Variants in AOPEP observed in about 807,000 individuals in gnomAD.
AOPEP encodes aminopeptidase O.
AOPEP carries 77 observed loss-of-function variants against 98.1 expected under a neutral mutation model. The observed-to-expected ratio is 0.78, with a 90% CI of 0.65 to 0.95. The LOEUF (loss-of-function observed/expected upper bound fraction) is 0.95. Ranked by LOEUF, AOPEP falls within the 40% of genes least tolerant of loss-of-function variation. AOPEP has a pLI of 0.00. For synonymous variants in AOPEP, 346 were observed against 365.3 expected, an observed-to-expected ratio of 0.95 and a Z score of 0.60; for missense variants, 1,024 against 1,024.7, an observed-to-expected ratio of 1.00 and a Z score of 0.01.
chr9:95,054,076 AAGTT>A (rs2133833861), intron 13 of AOPEP, among the ~76,000 whole-genome samples: 1 of 152,320 alleles, frequency 6.6e-6, no homozygotes, highest in South Asian at 2.1e-4. Flanking sequence ...AATACAAGAA[AAGTT>A]AGGAATATTC....
At chr9:94,853,741 G>A (rs138326830) in intron 5 of AOPEP, among the ~76,000 whole-genome samples, 27 of 152,248 alleles carry the variant, frequency 1.8e-4, no homozygotes, top group Admixed American at 4.6e-4. Context: ...GGTACAAGTC[G>A]CACTACTATT....
At chr9:94,919,680 C>A (rs1468900672) in intron 5 of AOPEP, among the ~76,000 whole-genome samples, 9 of 152,048 alleles carry the variant, frequency 5.9e-5, no homozygotes, top group Non-Finnish European at 1.3e-4. Context: ...AGGGGTGGAG[C>A]GACAGTTTGT....
chr9:94,808,551 T>G (rs1387522946), intron 5 of AOPEP, among the ~76,000 whole-genome samples: 1 of 152,226 alleles, frequency 6.6e-6, no homozygotes, highest in African/African-American at 2.4e-5. Flanking sequence ...AACCATGCTA[T>G]TTATAGAGGT....
At chr9:95,138,035 G>A in the AOPEP span, among the ~76,000 whole-genome samples, 5 of 152,262 alleles carry the variant, frequency 3.3e-5, no homozygotes, top group African/African-American at 4.8e-5. Context: ...CGGGCAAGGC[G>A]CAGAGGAGTG....
chr9:94,942,935 C>T (rs1014172683), intron 7 of AOPEP, among the ~76,000 whole-genome samples: 2 of 140,264 alleles, frequency 1.4e-5, no homozygotes, highest in African/African-American at 2.6e-5. Context: ...AAATCATTTA[C>T]AGTAGCATCA....
At chr9:94,955,324 CT>C in intron 8 of AOPEP, 45 bp downstream of exon 8, 1 of 1,177,650 alleles carries the variant, frequency 8.5e-7, no homozygotes, top group Non-Finnish European at 1.3e-6. Context: ...TGGTGCAGCA[CT>C]TTTTAGGCCA....
chr9:94,868,741 T>C (rs1309488245), intron 5 of AOPEP, among the ~76,000 whole-genome samples: 1 of 152,204 alleles, frequency 6.6e-6, no homozygotes, highest in Non-Finnish European at 1.5e-5. Flanking sequence ...CTCCCTATGT[T>C]ACCTTCCCTG....
chr9:95,101,470 T>C, the AOPEP span: 1 of 574,800 alleles, frequency 1.7e-6, no homozygotes, highest in African/African-American at 1.9e-5. Context: ...GCACCAGGAG[T>C]ACCGAAGGCT....
intron 3 of AOPEP, among the ~76,000 whole-genome samples, chr9:94,792,498 A>G (rs1845947035): frequency 6.6e-6 from 1 of 151,528 alleles, no homozygotes; most frequent in Non-Finnish European, 1.5e-5. Flanking sequence ...GCTGTGAGGG[A>G]CCCCCTGCAC....
intron 11 of AOPEP, among the ~76,000 whole-genome samples, chr9:94,989,908 C>T (rs558070905): frequency 6.6e-6 from 1 of 152,266 alleles, no homozygotes; most frequent in South Asian, 2.1e-4. Flanking sequence ...TGCGCCCGGC[C>T]AAGTAACCCA....
chr9:94,816,894 T>C (rs1461755223), intron 5 of AOPEP, among the ~76,000 whole-genome samples: 2 of 152,238 alleles, frequency 1.3e-5, no homozygotes. Context: ...CACGAAGGCC[T>C]GTGCACATGG....
downstream of AOPEP, among the ~76,000 whole-genome samples, chr9:95,091,004 T>G (rs1334250612): frequency 2.0e-5 from 3 of 152,044 alleles, no homozygotes; most frequent in Non-Finnish European, 4.4e-5. Flanking sequence ...GCGGCTTCCC[T>G]CCACCTCGAT....
At chr9:94,884,558 A>G (rs1179436812) in intron 5 of AOPEP, among the ~76,000 whole-genome samples, 1 of 152,160 alleles carries the variant, frequency 6.6e-6, no homozygotes, top group Admixed American at 6.5e-5. Context: ...CAGGGTGCCA[A>G]CCCCAGACCC....
At chr9:94,845,833 C>T (rs1161313280) in intron 5 of AOPEP, among the ~76,000 whole-genome samples, 3 of 152,106 alleles carry the variant, frequency 2.0e-5, no homozygotes, top group Admixed American at 6.5e-5. Context: ...TGGCTCACGC[C>T]TGTAATTTCA....
At chr9:94,857,040 C>T (rs900075153) in intron 5 of AOPEP, among the ~76,000 whole-genome samples, 2 of 152,228 alleles carry the variant, frequency 1.3e-5, no homozygotes, top group Non-Finnish European at 2.9e-5. Context: ...TTCTTTCCTG[C>T]TCTGGACATA....
At chr9:94,773,794 C>T (rs1437356071) in intron 3 of AOPEP, among the ~76,000 whole-genome samples, 1 of 151,564 alleles carries the variant, frequency 6.6e-6, no homozygotes, top group East Asian at 1.9e-4. Flanking sequence ...GAGACAGGGT[C>T]TCGCTCTGTT....
At chr9:94,755,450 A>C (rs910447158) in intron 1 of AOPEP, among the ~76,000 whole-genome samples, 10 of 152,226 alleles carry the variant, frequency 6.6e-5, no homozygotes, top group African/African-American at 2.4e-4. Context: ...GTCATCCATG[A>C]ATCTAAGACA....
At chr9:94,774,311 C>CAAAA (rs34936539) in intron 3 of AOPEP, among the ~76,000 whole-genome samples, 4 of 67,804 alleles carry the variant, frequency 5.9e-5, no homozygotes, top group Non-Finnish European at 8.1e-5. Context: ...GACTCCATCT[C>CAAAA]AAAAAAAAAA....
chr9:94,975,018 C>T (rs1388804924), intron 10 of AOPEP, among the ~76,000 whole-genome samples: 7 of 151,978 alleles, frequency 4.6e-5, no homozygotes, highest in Non-Finnish European at 1.0e-4. Flanking sequence ...TCATTTGAGG[C>T]CAGGAGTTTA....
Sources: allele counts gnomAD v4.1 joint callset (sites outside exome capture counted in the v4.1 genomes callset), GRCh38; gene constraint gnomAD v4.1.1; transcripts MANE v1.5; gene names NCBI Gene and HGNC (gene_info 2026-07-23, HGNC 2026-07-21).